SDK1: variants seen among roughly 807,000 people sequenced by gnomAD.
SDK1 encodes sidekick cell adhesion molecule 1, also known as protein sidekick-1.
Under a neutral mutation model 245.5 loss-of-function variants are expected in SDK1, and 157 were observed. That is an observed-to-expected ratio of 0.64 (90% CI 0.56 to 0.73). The LOEUF (loss-of-function observed/expected upper bound fraction) is 0.73, where lower values mean the gene tolerates loss of function less well. Among genes scored for constraint, SDK1 ranks in the 30% least tolerant of loss-of-function variants. SDK1 has a pLI of 0.00. For missense variants in SDK1, 3,583 were observed against 3,002.3 expected (o/e 1.19, Z -4.52); for synonymous variants, 1,647 against 1,278.5 (o/e 1.29, Z -6.15).
intron 20 of SDK1, among the ~76,000 whole-genome samples, chr7:4,072,144 G>C (rs1473597366): frequency 1.3e-5 from 2 of 152,212 alleles, no homozygotes; most frequent in African/African-American, 4.8e-5. Flanking sequence ...AATACCTGTA[G>C]TTAAAAGCAG....
intron 19 of SDK1, among the ~76,000 whole-genome samples, chr7:4,057,954 C>T (rs1331641193): frequency 1.3e-5 from 2 of 152,140 alleles, no homozygotes; most frequent in African/African-American, 4.8e-5. Context: ...GCAACTGTTA[C>T]ACCAGATGTG....
At chr7:4,188,478 C>T (rs1206376355) in intron 35 of SDK1, among the ~76,000 whole-genome samples, 1 of 151,994 alleles carries the variant, frequency 6.6e-6, no homozygotes, top group African/African-American at 2.4e-5. Flanking sequence ...TTTCTTAGAG[C>T]TTCTTATATA....
At chr7:4,198,671 C>G (rs937698469) in intron 35 of SDK1, among the ~76,000 whole-genome samples, 1 of 152,128 alleles carries the variant, frequency 6.6e-6, no homozygotes, top group African/African-American at 2.4e-5. Context: ...TGGGCCTTTA[C>G]CTAAAGTTGT....
intron 5 of SDK1, among the ~76,000 whole-genome samples, chr7:3,837,427 T>A (rs1379304086): frequency 6.6e-6 from 1 of 152,156 alleles, no homozygotes; most frequent in Non-Finnish European, 1.5e-5. Flanking sequence ...GAGACTTGAG[T>A]TTTCCTGTGG....
At chr7:3,339,139 C>G (rs1274462016) in intron 1 of SDK1, among the ~76,000 whole-genome samples, 1 of 151,724 alleles carries the variant, frequency 6.6e-6, no homozygotes, top group Non-Finnish European at 1.5e-5. Context: ...TGAATTTAAA[C>G]AAGAGTGGCC....
intron 19 of SDK1, among the ~76,000 whole-genome samples, chr7:4,063,603 A>C (rs753384218): frequency 7.2e-5 from 11 of 151,728 alleles, no homozygotes; most frequent in African/African-American, 2.2e-4. Flanking sequence ...ATAGCAAAAA[A>C]AAAAAACAAA....
intron 22 of SDK1, among the ~76,000 whole-genome samples, chr7:4,108,010 A>G (rs1370585212): frequency 6.6e-6 from 1 of 152,194 alleles, no homozygotes; most frequent in Non-Finnish European, 1.5e-5. Context: ...TTTATGCATC[A>G]GCTGCATAGA....
rs185524948 is a variant in SDK1 at position 3,371,502 on chromosome 7, A to G, written c.298+69618A>G. Among the ~76,000 whole-genome samples the G allele has an allele frequency of 2.0e-5, 3 of 152,268 alleles. No individual in the cohort carries two copies. The East Asian group carries it at 5.8e-4, about 29-fold the overall frequency. On this transcript the variant is annotated intron_variant, in intron 1 of 44. Transcript: ENST00000404826. Reference sequence around the variant, plus strand: ...GGAAAAGAAGAAACCAGGGGGCCCTAAGGGGGAAAAGACTGAGATGAAAAC... The same window carrying G: ...GGAAAAGAAGAAACCAGGGGGCCCTGAGGGGGAAAAGACTGAGATGAAAAC...
chr7:3,983,615 C>T (rs1047671032), intron 13 of SDK1, among the ~76,000 whole-genome samples: 1 of 152,190 alleles, frequency 6.6e-6, no homozygotes, highest in African/African-American at 2.4e-5. Context: ...TTGCAAATTG[C>T]AATATTCACT....
intron 44 of SDK1, among the ~76,000 whole-genome samples, chr7:4,261,007 T>C (rs1206952430): frequency 1.3e-5 from 2 of 152,198 alleles, no homozygotes; most frequent in African/African-American, 4.8e-5. Flanking sequence ...AGTTTATACT[T>C]AATGTTCGGA....
At chr7:3,771,647 T>C (rs948221772) in intron 4 of SDK1, among the ~76,000 whole-genome samples, 1 of 152,190 alleles carries the variant, frequency 6.6e-6, no homozygotes, top group Non-Finnish European at 1.5e-5. Flanking sequence ...TTCTCAGAAA[T>C]TGTTATTTTT....
chr7:3,406,088 C>CAGGCGTG (rs1779047606), intron 1 of SDK1, among the ~76,000 whole-genome samples: 1 of 152,172 alleles, frequency 6.6e-6, no homozygotes, highest in South Asian at 2.1e-4. Context: ...GCTGGGATTA[C>CAGGCGTG]AGGCGTGAGC....
intron 1 of SDK1, among the ~76,000 whole-genome samples, chr7:3,398,764 A>G (rs1320119185): frequency 1.5e-5 from 2 of 133,868 alleles, no homozygotes; most frequent in Non-Finnish European, 1.6e-5. Context: ...CTGAGCCCCC[A>G]GTAGTTTTTT....
intron 4 of SDK1, among the ~76,000 whole-genome samples, chr7:3,725,844 A>G (rs1207772563): frequency 6.6e-6 from 1 of 152,236 alleles, no homozygotes; most frequent in Non-Finnish European, 1.5e-5. Context: ...CTACCGTAAT[A>G]AAGTTTCTAA....
intron 1 of SDK1, among the ~76,000 whole-genome samples, chr7:3,315,178 T>C (rs999618696): frequency 6.6e-6 from 1 of 152,184 alleles, no homozygotes. Flanking sequence ...GTAGCTCTAA[T>C]TGACATGGAA....
At chr7:3,455,612 C>T (rs953743797) in intron 1 of SDK1, among the ~76,000 whole-genome samples, 6 of 152,094 alleles carry the variant, frequency 3.9e-5, no homozygotes, top group Non-Finnish European at 8.8e-5. Flanking sequence ...GTCTTTCTGG[C>T]TTCTCTACTC....
intron 22 of SDK1, among the ~76,000 whole-genome samples, chr7:4,108,868 C>T (rs117437503): frequency 0.02 from 2,998 of 152,272 alleles, 42 homozygotes; most frequent in Middle Eastern, 0.044. Context: ...CACCAACCTG[C>T]GTTCTGTCTC....
chr7:4,214,413 C>T (rs143298621), intron 38 of SDK1, among the ~76,000 whole-genome samples: 151 of 152,294 alleles, frequency 9.9e-4, no homozygotes, highest in African/African-American at 3.4e-3. Context: ...ATAGCAAGAC[C>T]GTCCGTCACC....
intron 1 of SDK1, among the ~76,000 whole-genome samples, chr7:3,425,428 C>T (rs1422300197): frequency 6.6e-6 from 1 of 152,134 alleles, no homozygotes; most frequent in East Asian, 1.9e-4. Flanking sequence ...TTGTCATCTT[C>T]CAATTTTCTG....
Sources: gnomAD v4.1 joint callset for allele counts (sites outside exome capture counted in the v4.1 genomes callset) on GRCh38, gnomAD v4.1.1 for gene constraint, MANE v1.5 for transcripts, NCBI Gene and HGNC (gene_info 2026-07-23, HGNC 2026-07-21) for gene names.